SMIM31: variants seen among roughly 807,000 people sequenced by gnomAD.
SMIM31 encodes the protein small integral membrane protein 31, also known as human epithelial cell program regulator.
Position 164,801,566 on chromosome 4 carries a change from CA to C in SMIM31, c.*373del, listed in dbSNP as rs1733284834. On this transcript the variant is annotated 3_prime_UTR_variant, in exon 3 of 3. Coordinates refer to ENST00000507311, the MANE Select transcript of SMIM31 (RefSeq NM_001352885.1). ...TTAATCACTTTTTTTGGTCCTGCGA[CA>C]CACATGATAATTTTTGTCTTAATTC... is the stretch of plus-strand genomic sequence containing the variant. 6.4e-6 allele frequency: 1 copy of C among 157,066 alleles called. No individual in the cohort carries two copies. Among genetic ancestry groups the C allele is most frequent in the Admixed American group, 6.5e-5 (1 of 15,418 alleles). The allele number at this position is 157,066 out of a possible 1,614,324, so 9.7% of individuals were successfully genotyped here. A position where few individuals can be genotyped will look rare whatever the true frequency, so the allele number is the denominator to read the frequency against.
intron 2 of SMIM31, among the ~76,000 whole-genome samples, chr4:164,772,631 T>A (rs370194588): frequency 2.0e-5 from 3 of 149,940 alleles, no homozygotes; most frequent in African/African-American, 4.9e-5. Flanking sequence ...CAGGCTGGAG[T>A]GCAGTGGCGC....
chr4:164,758,440 C>A (rs62352416), intron 1 of SMIM31, among the ~76,000 whole-genome samples: 17,402 of 151,974 alleles, frequency 0.11, 1,116 homozygotes, highest in African/African-American at 0.16. Flanking sequence ...ATTGTTGCTT[C>A]GGGGCAAAGG....
chr4:164,770,047 T>C (rs1232378750), intron 1 of SMIM31, among the ~76,000 whole-genome samples: 1 of 152,170 alleles, frequency 6.6e-6, no homozygotes, highest in Non-Finnish European at 1.5e-5. Flanking sequence ...ATTATGAGGA[T>C]TAAAGGAGGT....
chr4:164,758,801 ATTTTTTTTTTTTTTTTTTTT>A lies in SMIM31; in HGVS notation c.-26+4411_-26+4430del, dbSNP rs35632469. 9.5e-3 allele frequency among the ~76,000 whole-genome samples: 577 copies of A among 60,918 alleles called. 11 individuals carry two copies. Among genetic ancestry groups the A allele is most frequent in the African/African-American group, 0.034 (505 of 14,822 alleles). The allele number at this position is 60,918 out of a possible 152,430, so 40.0% of individuals were successfully genotyped here. On this transcript the variant is annotated intron_variant, in intron 1 of 2. Transcript: ENST00000507311. ...GGCGCCCGCCACCACGCCCGGCCAA[ATTTTTTTTTTTTTTTTTTTT>A]TTTTTTTTTTTTTTTTTTTTGTATT... is the stretch of plus-strand genomic sequence containing the variant.
intron 2 of SMIM31, among the ~76,000 whole-genome samples, chr4:164,773,990 C>T (rs1342164642): frequency 1.3e-5 from 2 of 152,006 alleles, no homozygotes; most frequent in South Asian, 4.2e-4. Flanking sequence ...CATGGTGAAA[C>T]CCCGTCTCTA....
intron 1 of SMIM31, among the ~76,000 whole-genome samples, chr4:164,758,039 A>C (rs1732589579): frequency 6.6e-6 from 1 of 152,180 alleles, no homozygotes; most frequent in Non-Finnish European, 1.5e-5. Context: ...AATATCGTAT[A>C]TCTCTCAATT....
chr4:164,788,321 G>C (rs181805910), intron 2 of SMIM31, among the ~76,000 whole-genome samples: 307 of 152,010 alleles, frequency 2.0e-3, no homozygotes, highest in African/African-American at 7.1e-3. Flanking sequence ...GTCCTGTGTG[G>C]TAAAACTGTG....
At chr4:164,779,353 T>C (rs1300966400) in intron 2 of SMIM31, among the ~76,000 whole-genome samples, 1 of 152,178 alleles carries the variant, frequency 6.6e-6, no homozygotes, top group Non-Finnish European at 1.5e-5. Context: ...GTTAAATTGT[T>C]AGGAAAAAAA....
intron 1 of SMIM31, among the ~76,000 whole-genome samples, chr4:164,758,622 CTTTTTTTGTTTTTTTT>C (rs1414328603): frequency 3.8e-5 from 4 of 105,390 alleles, no homozygotes; most frequent in Admixed American, 1.3e-4. Flanking sequence ...TGTAGTTTTC[CTTTTTTTGTTTTTTTT>C]TTTTTTTTTT....
chr4:164,772,077 T>G (rs750389666), intron 2 of SMIM31, among the ~76,000 whole-genome samples: 3 of 152,190 alleles, frequency 2.0e-5, no homozygotes, highest in Non-Finnish European at 2.9e-5. Flanking sequence ...GGGTAATTTA[T>G]AAAGAAAAGA....
At chr4:164,762,662 CAAAA>C (rs1162067333) in intron 1 of SMIM31, among the ~76,000 whole-genome samples, 1,693 of 100,076 alleles carry the variant, frequency 0.017, 24 homozygotes, top group African/African-American at 0.056. Context: ...GACTCTGTCT[CAAAA>C]AAAAAAAAAA....
intron 2 of SMIM31, among the ~76,000 whole-genome samples, chr4:164,796,727 T>A (rs993933056): frequency 1.3e-5 from 2 of 152,214 alleles, no homozygotes; most frequent in Non-Finnish European, 2.9e-5. Flanking sequence ...CAGCAAATCT[T>A]GTTGGCTGTA....
intron 1 of SMIM31, among the ~76,000 whole-genome samples, chr4:164,761,586 G>A (rs1201195887): frequency 6.6e-6 from 1 of 152,056 alleles, no homozygotes; most frequent in Non-Finnish European, 1.5e-5. Context: ...TACCTGGATT[G>A]CAACAGGTAA....
chr4:164,768,797 G>A (rs1409139155), intron 1 of SMIM31, among the ~76,000 whole-genome samples: 3 of 151,998 alleles, frequency 2.0e-5, no homozygotes, highest in East Asian at 1.9e-4. Context: ...TAAAAATAAC[G>A]GTATTCTCTG....
intron 1 of SMIM31, among the ~76,000 whole-genome samples, chr4:164,757,509 C>T (rs2110914825): frequency 6.6e-6 from 1 of 151,096 alleles, no homozygotes. Context: ...GTTGTAAAGA[C>T]ACTCCACTAT....
intron 2 of SMIM31, among the ~76,000 whole-genome samples, chr4:164,785,830 C>G (rs891299386): frequency 1.3e-5 from 2 of 151,924 alleles, no homozygotes; most frequent in African/African-American, 4.8e-5. Context: ...GAATCAGTTT[C>G]TTATAATGGA....
At chr4:164,798,681 C>G (rs371269501) in intron 2 of SMIM31, among the ~76,000 whole-genome samples, 1 of 152,078 alleles carries the variant, frequency 6.6e-6, no homozygotes, top group Non-Finnish European at 1.5e-5. Context: ...GTCCGAAGAC[C>G]GGAGAACCAG....
intron 2 of SMIM31, among the ~76,000 whole-genome samples, chr4:164,776,113 T>C (rs1331213847): frequency 1.3e-5 from 2 of 152,114 alleles, no homozygotes; most frequent in Non-Finnish European, 2.9e-5. Context: ...TGTCCACCAA[T>C]AATCCCCTCC....
chr4:164,802,641 T>G lies in SMIM31; in HGVS notation c.*1447T>G, dbSNP rs2110972229. The G allele has an allele frequency of 6.6e-6, 1 of 152,362 alleles. No homozygotes were observed. The highest frequency in any genetic ancestry group is 2.1e-4 in the South Asian group (1 of 4,824). The allele number at this position is 152,362 out of a possible 1,614,324, so 9.4% of individuals were successfully genotyped here. On this transcript the variant is annotated 3_prime_UTR_variant, in exon 3 of 3. Transcript: ENST00000507311. ...ACAACCAAAGATACCTACCTGCATCTCATAAGAATCATAGCTCAGGTCTCC... is the reference window on the plus strand; with the variant it reads ...ACAACCAAAGATACCTACCTGCATCGCATAAGAATCATAGCTCAGGTCTCC...
Sources: gnomAD v4.1 joint callset for allele counts (sites outside exome capture counted in the v4.1 genomes callset) on GRCh38, gnomAD v4.1.1 for gene constraint, MANE v1.5 for transcripts, NCBI Gene and HGNC (gene_info 2026-07-23, HGNC 2026-07-21) for gene names.